ZNF610: variants seen among roughly 807,000 people sequenced by gnomAD.
ZNF610 encodes zinc finger protein 610.
A neutral mutation model predicts 14.1 loss-of-function variants in ZNF610; 14 were observed. That is an observed-to-expected ratio of 0.99 (90% CI 0.65 to 1.55). The LOEUF (loss-of-function observed/expected upper bound fraction) is 1.55. Among genes scored for constraint, ZNF610 ranks in the 40% most tolerant of loss-of-function variants. ZNF610 has a pLI of 0.00. For synonymous variants in ZNF610, 185 were observed against 187.6 expected, an observed-to-expected ratio of 0.99 and a Z score of 0.11; for missense variants, 530 against 558.0, an observed-to-expected ratio of 0.95 and a Z score of 0.51.
At chr19:52,359,666 A>G (rs946135366) in intron 5 of ZNF610, among the ~76,000 whole-genome samples, 1 of 152,198 alleles carries the variant, frequency 6.6e-6, no homozygotes, top group Admixed American at 6.5e-5. Context: ...GACTTCCGTG[A>G]CCGACGGTAT....
In ZNF610 at chr19:52,363,895, T is replaced by C. The variant is rs57719197; in HGVS notation, c.320-1803T>C. The stretch of plus-strand genomic sequence containing the variant: ...CTTGTCACATATTAGCTGTAGATTT[T>C]GTAACATCTTGTAGATTTTTTTGTC... On this transcript the variant is annotated intron_variant, in intron 5 of 5. Coordinates refer to ENST00000403906, the MANE Select transcript of ZNF610 (RefSeq NM_001161425.2). Among the ~76,000 whole-genome samples the C allele has an allele frequency of 5.0e-3, 766 of 152,336 alleles. 6 individuals carry two copies. Among genetic ancestry groups the C allele is most frequent in the African/African-American group, 0.017 (715 of 41,582 alleles).
chr19:52,339,347 C>T (rs1314929258), intron 1 of ZNF610, among the ~76,000 whole-genome samples: 1 of 151,886 alleles, frequency 6.6e-6, no homozygotes, highest in African/African-American at 2.4e-5. Flanking sequence ...TCAGGTCTTT[C>T]CCTTCCCATG....
the ZNF610 span, chr19:52,330,450 C>T: frequency 6.6e-6 from 1 of 152,180 alleles, no homozygotes; most frequent in Non-Finnish European, 1.5e-5. Context: ...GACCTCACCT[C>T]CCCGAAGAAC....
intron 5 of ZNF610, among the ~76,000 whole-genome samples, chr19:52,364,797 T>G (rs111888759): frequency 0.016 from 2,497 of 152,294 alleles, 48 homozygotes; most frequent in African/African-American, 0.052. Flanking sequence ...AGGCTGGTCT[T>G]GAACTTCTGA....
intron 3 of ZNF610, among the ~76,000 whole-genome samples, chr19:52,352,120 G>A (rs1985286255): frequency 6.6e-6 from 1 of 152,198 alleles, no homozygotes; most frequent in African/African-American, 2.4e-5. Flanking sequence ...TTCTTACACA[G>A]GTCTGGAGTG....
At chr19:52,346,633 G>C (rs77676344) in intron 1 of ZNF610, among the ~76,000 whole-genome samples, 7,084 of 152,204 alleles carry the variant, frequency 0.047, 216 homozygotes, top group Middle Eastern at 0.1. Context: ...GAAAGTTTAT[G>C]GTGCATTACC....
chr19:52,332,303 T>G (rs73058102), upstream of ZNF610, among the ~76,000 whole-genome samples: 3 of 152,344 alleles, frequency 2.0e-5, no homozygotes, highest in Non-Finnish European at 4.4e-5. This position sits in a 1 kb window ranked among gnomAD's most constrained non-coding sequence, Gnocchi z 4.1. Context: ...AAAGCTATTA[T>G]GCGTAACCCA....
At position 52,367,562 on chromosome 19, in the gene ZNF610, G is replaced by A. The variant is rs162117; in HGVS notation, c.*795G>A. On this transcript the variant is annotated 3_prime_UTR_variant, in exon 6 of 6. Transcript: ENST00000403906. Reference sequence around the variant, plus strand: ...GGTTGAAGCAGCCAGAAAAGTGTGTGTGTGTGTATGTGTGTGAGACATAAA... The same window carrying A: ...GGTTGAAGCAGCCAGAAAAGTGTGTATGTGTGTATGTGTGTGAGACATAAA... The A allele has an allele frequency of 0.15, 23,091 of 151,892 alleles. 1,871 individuals carry two copies. Among genetic ancestry groups the A allele is most frequent in the African/African-American group, 0.21 (8,529 of 41,348 alleles). The allele number at this position is 151,892 out of a possible 1,614,324, so 9.4% of individuals were successfully genotyped here.
At chr19:52,352,768 G>A (rs1019079325) in intron 3 of ZNF610, among the ~76,000 whole-genome samples, 3 of 151,970 alleles carry the variant, frequency 2.0e-5, no homozygotes, top group African/African-American at 7.3e-5. Context: ...CCTTAAATTA[G>A]AGGAAATGCA....
the ZNF610 span, chr19:52,330,315 A>G: frequency 6.6e-6 from 1 of 152,112 alleles, no homozygotes; most frequent in African/African-American, 2.4e-5. Context: ...TCAGAACAAA[A>G]TAGAAAATAC....
the ZNF610 span, chr19:52,330,229 G>A: frequency 2.0e-4 from 30 of 148,130 alleles, no homozygotes; most frequent in East Asian, 2.7e-3. Flanking sequence ...AGCTGGACCC[G>A]TTTTTATGAA....
At chr19:52,362,746 G>C (rs73581111) in intron 5 of ZNF610, among the ~76,000 whole-genome samples, 15,864 of 151,908 alleles carry the variant, frequency 0.1, 1,071 homozygotes, top group African/African-American at 0.19. Context: ...TGTTAATTTT[G>C]TTTTATTACA....
In ZNF610 at chr19:52,350,218, T is replaced by C. The variant is rs1846905418; in HGVS notation, c.63+983T>C. On this transcript the variant is annotated intron_variant, in intron 3 of 5. Coordinates refer to ENST00000403906, the MANE Select transcript of ZNF610 (RefSeq NM_001161425.2). ...TTTTTATGTTAAACATCAAATTATG[T>C]ATATATTTGTTTTATAGGAAGACAC... is the stretch of plus-strand genomic sequence containing the variant. 1.3e-5 allele frequency among the ~76,000 whole-genome samples: 2 copies of C among 152,310 alleles called. 1 individual carries two copies. The highest frequency in any genetic ancestry group is 6.8e-3 in the Middle Eastern group (2 of 294).
intron 1 of ZNF610, among the ~76,000 whole-genome samples, chr19:52,341,149 C>G (rs1443786821): frequency 6.6e-6 from 1 of 152,140 alleles, no homozygotes; most frequent in Non-Finnish European, 1.5e-5. Flanking sequence ...CTTGCATGCT[C>G]TATTTAAGAT....
Position 52,336,436 on chromosome 19 carries a change from G to T in ZNF610, c.-328G>T. On this transcript the variant is annotated 5_prime_UTR_variant, in exon 1 of 6. Coordinates refer to ENST00000403906, the MANE Select transcript of ZNF610 (RefSeq NM_001161425.2). ...ATTCAGGCGTCTCCGTGAGAGTCCG[G>T]CGCTCGCTTCCCTGTGTGTTAAAAT... is the stretch of plus-strand genomic sequence containing the variant. 1 of 178,012 alleles carries T rather than the reference G, an allele frequency of 5.6e-6. No homozygotes were observed. Among genetic ancestry groups the T allele is most frequent in the Non-Finnish European group, 1.2e-5 (1 of 84,476 alleles). 11.0% of individuals were successfully genotyped at this position (178,012 alleles called of 1,614,324 possible). A position where few individuals can be genotyped will look rare whatever the true frequency, so the allele number is the denominator to read the frequency against.
chr19:52,331,935 G>T (rs1984223899), upstream of ZNF610, among the ~76,000 whole-genome samples: 1 of 152,314 alleles, frequency 6.6e-6, no homozygotes, highest in African/African-American at 2.4e-5. Flanking sequence ...ACAGAATTGG[G>T]TGCTTTATAA....
rs974248139 is a variant in ZNF610, at chr19:52,351,056, G to A, written c.63+1821G>A. 7.9e-5 allele frequency among the ~76,000 whole-genome samples: 12 copies of A among 152,154 alleles called. No homozygotes were observed. The East Asian group carries it at 1.7e-3, about 22-fold the overall frequency. On this transcript the variant is annotated intron_variant, in intron 3 of 5. Coordinates refer to ENST00000403906, the MANE Select transcript of ZNF610 (RefSeq NM_001161425.2). The stretch of plus-strand genomic sequence containing the variant: ...AAATAAAATCCTCAGTGATTGTTTC[G>A]TTGTAATATTTTATACCAAAAGTTG...
Position 52,365,540 on chromosome 19 carries a change from G to A in ZNF610, c.320-158G>A, listed in dbSNP as rs57803899. On this transcript the variant is annotated intron_variant, in intron 5 of 5. Coordinates refer to ENST00000403906, the MANE Select transcript of ZNF610 (RefSeq NM_001161425.2). ...ATTCCCCACTGCTCCAATGCATCAC[G>A]TCACCCCCTTGTGTTTTCAGCTCTC... Among the ~76,000 whole-genome samples, 514 of 152,100 alleles carry A rather than the reference G, an allele frequency of 3.4e-3. 3 individuals carry two copies. Among genetic ancestry groups the A allele is most frequent in the African/African-American group, 0.012 (497 of 41,496 alleles).
Position 52,357,502 on chromosome 19 carries a change from G to A in ZNF610, c.319+3123G>A, listed in dbSNP as rs1363547168. On this transcript the variant is annotated intron_variant, in intron 5 of 5. Coordinates refer to ENST00000403906, the MANE Select transcript of ZNF610 (RefSeq NM_001161425.2). The stretch of plus-strand genomic sequence containing the variant: ...TTACTAAAAATACAAAAAATTAGCC[G>A]GGTGTGGTTGCAGACGCCTGTAGTC... 9.2e-5 allele frequency among the ~76,000 whole-genome samples: 14 copies of A among 151,892 alleles called. No individual in the cohort carries two copies. In the East Asian group the frequency reaches 2.5e-3, roughly 27 times the overall value.
Sources: allele counts gnomAD v4.1 joint callset (sites outside exome capture counted in the v4.1 genomes callset), GRCh38; gene constraint gnomAD v4.1.1; non-coding constraint Gnocchi (gnomAD v3.1); transcripts MANE v1.5; gene names NCBI Gene and HGNC (gene_info 2026-07-23, HGNC 2026-07-21).